RIMS2: variants seen among roughly 807,000 people sequenced by gnomAD.
RIMS2 encodes regulating synaptic membrane exocytosis protein 2.
RIMS2 carries 59 observed loss-of-function variants against 174.4 expected under a neutral mutation model. That is an observed-to-expected ratio of 0.34 (90% CI 0.27 to 0.42). The LOEUF (loss-of-function observed/expected upper bound fraction) is 0.42, where lower values mean the gene tolerates loss of function less well. Among genes scored for constraint, RIMS2 ranks in the 10% least tolerant of loss-of-function variants. The pLI is 1.00. For missense variants in RIMS2, 1,620 were observed against 1,666.3 expected (o/e 0.97, Z 0.48); for synonymous variants, 606 against 572.5 (o/e 1.06, Z -0.84).
At chr8:104,101,196 G>A (rs928115206) in intron 19 of RIMS2, among the ~76,000 whole-genome samples, 7 of 149,932 alleles carry the variant, frequency 4.7e-5, no homozygotes, top group African/African-American at 1.2e-4. Flanking sequence ...GCACAATCTC[G>A]GCTCGCTGCA....
At chr8:103,908,818 T>A (rs977566829) in intron 4 of RIMS2, among the ~76,000 whole-genome samples, 1 of 152,234 alleles carries the variant, frequency 6.6e-6, no homozygotes, top group Non-Finnish European at 1.5e-5. Context: ...CTTATATTCA[T>A]CCTTTTTAAA....
chr8:103,717,138 C>CTTTTTTTTTTTTTTTTTTTTTTTTTTTT (rs11373218), intron 2 of RIMS2, among the ~76,000 whole-genome samples: 1 of 113,106 alleles, frequency 8.8e-6, no homozygotes. Context: ...ATAGTGCCTT[C>CTTTTTTTTTTTTTTTTTTTTTTTTTTTT]TTTTTTTTTT....
chr8:104,223,583 G>A (rs1377701236), intron 19 of RIMS2: 12 of 1,486,556 alleles, frequency 8.1e-6, no homozygotes, highest in African/African-American at 2.8e-5. Context: ...GAACCGCTGC[G>A]GACGCTGCGC....
intron 19 of RIMS2, among the ~76,000 whole-genome samples, chr8:104,234,272 C>T (rs978267761): frequency 6.6e-6 from 1 of 152,014 alleles, no homozygotes; most frequent in Non-Finnish European, 1.5e-5. Flanking sequence ...TCTAAAATGG[C>T]GTGTTCATCC....
intron 19 of RIMS2, among the ~76,000 whole-genome samples, chr8:104,173,436 T>A (rs1486665543): frequency 2.6e-5 from 4 of 152,074 alleles, no homozygotes; most frequent in Non-Finnish European, 5.9e-5. Context: ...AGGATAACAA[T>A]GACTCTATTA....
intron 19 of RIMS2, among the ~76,000 whole-genome samples, chr8:104,212,177 G>A (rs772832306): frequency 1.3e-4 from 20 of 152,198 alleles, no homozygotes; most frequent in Admixed American, 7.2e-4. Context: ...AGACTCAGAC[G>A]AGAGGTCTAA....
intron 4 of RIMS2, among the ~76,000 whole-genome samples, chr8:103,897,658 T>C (rs1368743905): frequency 6.6e-6 from 1 of 151,610 alleles, no homozygotes; most frequent in Admixed American, 6.6e-5. Flanking sequence ...ATTGATGATT[T>C]ATGACTAGAT....
intron 19 of RIMS2, among the ~76,000 whole-genome samples, chr8:104,021,258 G>A (rs1380180349): frequency 6.6e-6 from 1 of 151,968 alleles, no homozygotes; most frequent in Non-Finnish European, 1.5e-5. Flanking sequence ...ATTCTTTAAT[G>A]CACATTCTAG....
intron 19 of RIMS2, among the ~76,000 whole-genome samples, chr8:104,024,810 G>A (rs572368872): frequency 2.0e-4 from 31 of 152,262 alleles, no homozygotes; most frequent in African/African-American, 6.5e-4. Context: ...TTTATAAGGA[G>A]AAGGTAAGTT....
intron 3 of RIMS2, among the ~76,000 whole-genome samples, chr8:103,860,684 G>A (rs1594026104): frequency 6.6e-6 from 1 of 151,672 alleles, no homozygotes; most frequent in East Asian, 1.9e-4. Flanking sequence ...AAAAAAAAAA[G>A]TATGTGGGAA....
rs994734981 is a variant in RIMS2, at chr8:104,185,339, T to G, written c.3335-59577T>G. Among the ~76,000 whole-genome samples the G allele has an allele frequency of 5.3e-5, 8 of 151,578 alleles. No individual in the cohort carries two copies. The Admixed American group carries it at 5.3e-4, about 10-fold the overall frequency. On this transcript the variant is annotated intron_variant, in intron 19 of 23. Coordinates refer to ENST00000504942, the Ensembl canonical transcript of RIMS2. The stretch of plus-strand genomic sequence containing the variant: ...CTAGATCTCTGTAACCTTTCAAAGC[T>G]GTCAAATAATGAAGAGCTATTCAAC...
intron 4 of RIMS2, among the ~76,000 whole-genome samples, chr8:103,894,970 C>A (rs2099269002): frequency 6.6e-6 from 1 of 151,376 alleles, no homozygotes; most frequent in Non-Finnish European, 1.5e-5. Flanking sequence ...ATCATTAATA[C>A]TTTTTTAACT....
At chr8:103,689,231 T>C (rs945870659) in intron 1 of RIMS2, among the ~76,000 whole-genome samples, 1 of 152,102 alleles carries the variant, frequency 6.6e-6, no homozygotes, top group Non-Finnish European at 1.5e-5. Context: ...GATATAATTT[T>C]ATTTTATTTT....
intron 4 of RIMS2, among the ~76,000 whole-genome samples, chr8:103,890,889 C>G (rs2099240440): frequency 6.6e-6 from 1 of 151,996 alleles, no homozygotes; most frequent in Non-Finnish European, 1.5e-5. Flanking sequence ...TTCTCAACCT[C>G]AGCACTATTA....
chr8:103,546,981 A>G (rs1447404930), intron 1 of RIMS2, among the ~76,000 whole-genome samples: 1 of 132,204 alleles, frequency 7.6e-6, no homozygotes, highest in Non-Finnish European at 1.6e-5. Flanking sequence ...CCTCACTGAG[A>G]CATCCTAGCT....
chr8:104,127,058 A>G (rs1181318779), intron 19 of RIMS2, among the ~76,000 whole-genome samples: 1 of 152,170 alleles, frequency 6.6e-6, no homozygotes, highest in African/African-American at 2.4e-5. Flanking sequence ...AGCAAGAAAG[A>G]GTTAAATTAT....
chr8:103,941,019 A>T (rs1415567310), intron 13 of RIMS2, among the ~76,000 whole-genome samples: 2 of 152,200 alleles, frequency 1.3e-5, no homozygotes, highest in Non-Finnish European at 2.9e-5. Context: ...TCTTTGAACA[A>T]GTTATTTAAC....
chr8:104,054,937 A>G (rs1050969335), intron 19 of RIMS2, among the ~76,000 whole-genome samples: 4 of 152,078 alleles, frequency 2.6e-5, no homozygotes, highest in African/African-American at 9.7e-5. Context: ...AATACTTTTC[A>G]TTTAGTAATT....
intron 19 of RIMS2, 150 bp from the exon 26 acceptor site, chr8:104,244,766 T>C: frequency 1.6e-6 from 1 of 631,406 alleles, no homozygotes; most frequent in East Asian, 2.6e-5. Context: ...TGTTTAAAAT[T>C]GTTTTAAATA....
Sources: allele counts gnomAD v4.1 joint callset (sites outside exome capture counted in the v4.1 genomes callset), GRCh38; gene constraint gnomAD v4.1.1; transcripts MANE v1.5; gene names NCBI Gene and HGNC (gene_info 2026-07-23, HGNC 2026-07-21).